Variants in CARD10 observed in about 807,000 individuals in gnomAD.
The protein encoded by CARD10 is caspase recruitment domain-containing protein 10.
A neutral mutation model predicts 114.6 loss-of-function variants in CARD10; 49 were observed. The observed-to-expected ratio is 0.43, with a 90% CI of 0.34 to 0.54. CARD10 has a LOEUF of 0.54. Among genes scored for constraint, CARD10 ranks in the 20% least tolerant of loss-of-function variants. CARD10 has a pLI of 0.03. For missense variants in CARD10, 1,206 were observed against 1,397.2 expected (o/e 0.86, Z 2.18); for synonymous variants, 602 against 593.2 (o/e 1.01, Z -0.21).
rs200045052 is a variant in CARD10, at chr22:37,510,379, A to T, written c.742T>A (p.Cys248Ser). ...KLKVSRLEEECALLRRARGPP... is the reference protein window; with the variant it reads ...KLKVSRLEEESALLRRARGPP... ...CCCCTGGCCCTTCGAAGCAGTGCAC[A>T]CTCTTCCTCCAGCCGACTCACTTTG... is the stretch of plus-strand genomic sequence containing the variant. The change falls in exon 4 of 20, where the codon TGT becomes AGT. Residue 248 changes from cysteine (C) to serine (S), a missense_variant. Cys to Ser is a moderately radical substitution (Grantham distance 112). Around this residue, in one of 2 missense-constraint regions of CARD10, gnomAD observed 1,068 missense variants for 1,179.1 expected, o/e 0.91. Transcript: ENST00000251973. The T allele has an allele frequency of 6.2e-7, 1 of 1,612,700 alleles. No homozygotes were observed. The highest frequency in any genetic ancestry group is 2.2e-5 in the East Asian group (1 of 44,806).
Position 37,492,538 on chromosome 22 carries a change from C to T in CARD10, c.2648G>A (p.Gly883Glu). The T allele has an allele frequency of 1.2e-6, 2 of 1,602,006 alleles. No individual in the cohort carries two copies. The highest frequency in any genetic ancestry group is 1.7e-6 in the Non-Finnish European group (2 of 1,172,926). ...FQVCPAESLS[G>E]EELCPSSAPG... The stretch of plus-strand genomic sequence containing the variant: ...CGCTGAGGATGGGCACAGTTCCTCC[C>T]CAGAGAGGCTTTCTGCACAGGGAGT... The change falls in exon 18 of 20, where the codon GGG becomes GAG. Residue 883 changes from glycine (G) to glutamate (E), a missense_variant. Gly to Glu is a moderately conservative substitution (Grantham distance 98, BLOSUM62 -2). Around this residue, in one of 2 missense-constraint regions of CARD10, gnomAD observed 1,068 missense variants for 1,179.1 expected, o/e 0.91. Transcript: ENST00000251973. This position sits in a 1 kb window ranked among gnomAD's most constrained non-coding sequence, Gnocchi z 5.7.
rs1197670663 is a variant in CARD10 at position 37,501,577 on chromosome 22, C to T, written c.1787+1025G>A. 1.3e-5 allele frequency among the ~76,000 whole-genome samples: 2 copies of T among 152,196 alleles called. No individual in the cohort carries two copies. Among genetic ancestry groups the T allele is most frequent in the African/African-American group, 4.8e-5 (2 of 41,446 alleles). ...TGCTGCGTGACCCATCCCTCTGCAC[C>T]CAACACCTCCACATTCCAGCGCTGA... On this transcript the variant is annotated intron_variant, in intron 11 of 19. Transcript: ENST00000251973. The surrounding 1 kb of genome is among the most constrained non-coding windows in gnomAD (Gnocchi z 5.4).
chr22:37,513,447 G>A (rs1923730207), intron 3 of CARD10, among the ~76,000 whole-genome samples: 2 of 152,070 alleles, frequency 1.3e-5, no homozygotes, highest in Admixed American at 6.5e-5. Context: ...GGAAAAAGCA[G>A]CCACTCTGCG....
At chr22:37,515,028 G>C (rs9622632) in intron 3 of CARD10, among the ~76,000 whole-genome samples, 1 of 152,184 alleles carries the variant, frequency 6.6e-6, no homozygotes, top group Non-Finnish European at 1.5e-5. Flanking sequence ...GGAGCCAGCC[G>C]GACCCGGTTC....
chr22:37,490,836 C>T lies in CARD10; in HGVS notation c.*323G>A, dbSNP rs142420743. The T allele has an allele frequency of 6.3e-4, 220 of 350,918 alleles. 1 individual carries two copies. The highest frequency in any genetic ancestry group is 9.9e-4 in the Non-Finnish European group (190 of 191,142). The allele number at this position is 350,918 out of a possible 1,614,324, so 21.7% of individuals were successfully genotyped here. A position where few individuals can be genotyped will look rare whatever the true frequency, so the allele number is the denominator to read the frequency against. ...ATGAGAACTTGAGTGTGCAAACCTG[C>T]GCACAGGTGTGAGAACAGACTCCAG... On this transcript the variant is annotated 3_prime_UTR_variant, in exon 20 of 20. Coordinates refer to ENST00000251973, the MANE Select transcript of CARD10 (RefSeq NM_014550.4).
chr22:37,491,675 G>T (rs1264480513), intron 19 of CARD10, 80 bp downstream of exon 19: 14 of 708,444 alleles, frequency 2.0e-5, no homozygotes, highest in Admixed American at 1.2e-4. Context: ...GGAGAGAGAG[G>T]GGGGAGGGAG....
chr22:37,516,167 C>A lies in CARD10; in HGVS notation c.505G>T (p.Ala169Ser), dbSNP rs1250701565. Residue 169 changes from alanine to serine, a missense_variant, in exon 3 of 20, where the codon GCA becomes TCA. Ala to Ser is a moderately conservative substitution (Grantham distance 99, BLOSUM62 1). Around this residue, in one of 2 missense-constraint regions of CARD10, gnomAD observed 1,068 missense variants for 1,179.1 expected, o/e 0.91. Coordinates refer to ENST00000251973, the MANE Select transcript of CARD10 (RefSeq NM_014550.4). ...TCCCGCAGCCGCTGCTCCAGCCCTG[C>A]CCGCTCCTCCTCGAGCACCCGGCCC... ...ARGRVLEEER[A>S]GLEQRLRDQQ... The A allele has an allele frequency of 3.1e-6, 5 of 1,593,528 alleles. No individual in the cohort carries two copies. The highest frequency in any genetic ancestry group is 3.5e-5 in the Admixed American group (2 of 57,436).
chr22:37,492,962 G>A lies in CARD10; in HGVS notation c.2477-160C>T, dbSNP rs558075214. 1.3e-4 allele frequency among the ~76,000 whole-genome samples: 20 copies of A among 152,208 alleles called. 1 individual carries two copies. The highest frequency in any genetic ancestry group is 1.2e-3 in the Admixed American group (18 of 15,290). On this transcript the variant is annotated intron_variant, in intron 16 of 19. Transcript: ENST00000251973. The surrounding 1 kb of genome is among the most constrained non-coding windows in gnomAD (Gnocchi z 5.7). ...ACACACCCTTAGTAGGACCGACGGT[G>A]GCAGTAGGCTCCTCCCTGATTCTCT...
intron 3 of CARD10, 40 bp downstream of exon 3, chr22:37,515,933 C>G: frequency 6.7e-7 from 1 of 1,485,816 alleles, no homozygotes; most frequent in Non-Finnish European, 9.1e-7. Context: ...CAAAAGCTGC[C>G]CCTTCCCTTG....
At chr22:37,518,333 AC>A (rs1419420702) in intron 1 of CARD10, among the ~76,000 whole-genome samples, 6 of 150,628 alleles carry the variant, frequency 4.0e-5, no homozygotes, top group Non-Finnish European at 8.9e-5. Flanking sequence ...GCTCCCCAAC[AC>A]CCCCCACAGA....
chr22:37,515,563 C>CAA (rs754752709), intron 3 of CARD10, among the ~76,000 whole-genome samples: 18 of 73,610 alleles, frequency 2.4e-4, no homozygotes, highest in South Asian at 4.7e-4. Flanking sequence ...GACTCCATCT[C>CAA]AAAAAAAAAA....
intron 11 of CARD10, among the ~76,000 whole-genome samples, chr22:37,499,624 T>A (rs1923140294): frequency 2.0e-5 from 3 of 151,796 alleles, no homozygotes; most frequent in Admixed American, 6.6e-5. Context: ...CTCCTGCAGC[T>A]CCCTGAAGAC....
Position 37,516,169 on chromosome 22 carries a change from C to A in CARD10, c.503G>T (p.Arg168Leu). Reference sequence around the variant, plus strand: ...CCGCAGCCGCTGCTCCAGCCCTGCCCGCTCCTCCTCGAGCACCCGGCCCCG... The same window carrying A: ...CCGCAGCCGCTGCTCCAGCCCTGCCAGCTCCTCCTCGAGCACCCGGCCCCG... ...QARGRVLEEE[R>L]AGLEQRLRDQ... The change falls in exon 3 of 20, where the codon CGG becomes CTG. Residue 168 changes from arginine to leucine, a missense_variant. By Grantham distance (102) the Arg-to-Leu change is moderately radical (BLOSUM62 -2). Coordinates refer to ENST00000251973, the MANE Select transcript of CARD10 (RefSeq NM_014550.4). 2 of 1,592,662 alleles carry A rather than the reference C, an allele frequency of 1.3e-6. No homozygotes were observed. The highest frequency in any genetic ancestry group is 1.1e-5 in the South Asian group (1 of 88,572).
chr22:37,504,614 G>T, intron 8 of CARD10, 21 bp downstream of exon 8: 1 of 1,453,694 alleles, frequency 6.9e-7, no homozygotes, highest in South Asian at 1.6e-5. Flanking sequence ...CCCCTTATTT[G>T]GGATGGGGCA....
chr22:37,492,772 A>G lies in CARD10; in HGVS notation c.2507T>C (p.Leu836Ser), dbSNP rs200672370. 4.3e-6 allele frequency: 7 copies of G among 1,612,720 alleles called. No individual in the cohort carries two copies. The highest frequency in any genetic ancestry group is 5.9e-6 in the Non-Finnish European group (7 of 1,179,882). Reference sequence around the variant, plus strand: ...GGCAGACACCAGTAGCGGCCGCACCAAACTGTAGGGTCTGAGGCTCCGCTC... The same window carrying G: ...GGCAGACACCAGTAGCGGCCGCACCGAACTGTAGGGTCTGAGGCTCCGCTC... Reference protein sequence around the residue: ...EPERSLRPYSLVRPLLVSALR... With the variant: ...EPERSLRPYSSVRPLLVSALR... Residue 836 changes from leucine (L) to serine (S), a missense_variant, in exon 17 of 20, where the codon TTG becomes TCG. Leu to Ser is a moderately radical substitution (Grantham distance 145). Transcript: ENST00000251973. The surrounding 1 kb of genome is among the most constrained non-coding windows in gnomAD (Gnocchi z 5.7).
Position 37,491,815 on chromosome 22 carries a change from T to C in CARD10, c.2804A>G (p.Asn935Ser). 1.3e-6 allele frequency: 2 copies of C among 1,496,632 alleles called. No individual in the cohort carries two copies. Among genetic ancestry groups the C allele is most frequent in the South Asian group, 2.2e-5 (2 of 89,012 alleles). The allele number at this position is 1,496,632 out of a possible 1,614,324, so 92.7% of individuals were successfully genotyped here. A position where few individuals can be genotyped will look rare whatever the true frequency, so the allele number is the denominator to read the frequency against. The change falls in exon 19 of 20, where the codon AAC (asparagine) becomes AGC (serine). Residue 935 changes from asparagine to serine, a missense_variant. Asn to Ser is a conservative substitution (Grantham distance 46). Coordinates refer to ENST00000251973, the MANE Select transcript of CARD10 (RefSeq NM_014550.4). ...GARGVRELVQ[N>S]EIYPIVIHVE... Reference sequence around the variant, plus strand: ...GTGGATGACGATGGGGTAGATCTCGTTCTGCACCAGCTCCCGCACACCCCG... The same window carrying C: ...GTGGATGACGATGGGGTAGATCTCGCTCTGCACCAGCTCCCGCACACCCCG...
intron 16 of CARD10, among the ~76,000 whole-genome samples, chr22:37,493,438 C>T (rs559895222): frequency 6.6e-6 from 1 of 152,314 alleles, no homozygotes; most frequent in South Asian, 2.1e-4. Flanking sequence ...CTCTCTACCC[C>T]CTAATTAGAC....
At chr22:37,497,206 T>G in intron 11 of CARD10, 28 bp from the exon 12 acceptor site, 1 of 1,597,224 alleles carries the variant, frequency 6.3e-7, no homozygotes, top group Non-Finnish European at 8.5e-7. Flanking sequence ...AGATGAGAAT[T>G]GGAGTCCAAT....
At chr22:37,518,160 G>T (rs372230589) in intron 1 of CARD10, 52 bp from the exon 2 acceptor site, 3 of 1,582,796 alleles carry the variant, frequency 1.9e-6, no homozygotes, top group Non-Finnish European at 2.6e-6. Flanking sequence ...GCCTCCCCAG[G>T]TGCCTGGTTG....
Sources: gnomAD v4.1 joint callset for allele counts (sites outside exome capture counted in the v4.1 genomes callset) on GRCh38, gnomAD v4.1.1 for gene constraint, gnomAD v4.1.1 regional missense constraint, Gnocchi (gnomAD v3.1) non-coding constraint, MANE v1.5 for transcripts, NCBI Gene and HGNC (gene_info 2026-07-23, HGNC 2026-07-21) for gene names.